The following EMCN variants were observed in gnomAD, a reference collection of about 807,000 sequenced individuals.
EMCN encodes MUC-14.
EMCN carries 37 observed loss-of-function variants against 38.4 expected under a neutral mutation model. The ratio of observed to expected loss-of-function variants is 0.96; its 90% confidence interval spans 0.74 to 1.27. The LOEUF (loss-of-function observed/expected upper bound fraction) is 1.27, where lower values mean the gene tolerates loss of function less well. Among genes scored for constraint, EMCN ranks in the 50% most tolerant of loss-of-function variants. The pLI is 0.00. For synonymous variants in EMCN, 95 were observed against 100.8 expected (o/e 0.94, Z 0.35); for missense variants, 318 against 302.8 (o/e 1.05, Z -0.37).
intron 1 of EMCN, among the ~76,000 whole-genome samples, chr4:100,490,847 A>G (rs1416519394): frequency 1.3e-5 from 2 of 152,178 alleles, no homozygotes; most frequent in Non-Finnish European, 2.9e-5. Context: ...TATTTTTTAT[A>G]GTAGCCATTC....
chr4:100,419,393 C>G (rs1726825835), intron 8 of EMCN, among the ~76,000 whole-genome samples: 1 of 152,022 alleles, frequency 6.6e-6, no homozygotes. Flanking sequence ...ACAAAGTTAA[C>G]AACAACCAAA....
intron 5 of EMCN, among the ~76,000 whole-genome samples, chr4:100,427,415 G>A (rs1474795554): frequency 2.0e-5 from 3 of 151,426 alleles, no homozygotes; most frequent in Non-Finnish European, 4.4e-5. Flanking sequence ...AGGGCCACAG[G>A]TGTGCACCAC....
intron 11 of EMCN, among the ~76,000 whole-genome samples, chr4:100,405,333 C>A (rs377473264): frequency 1.3e-5 from 2 of 151,876 alleles, no homozygotes; most frequent in East Asian, 1.9e-4. Flanking sequence ...CCCATTCAGT[C>A]TGATGTTGGT....
At chr4:100,491,280 C>T (rs1729069815) in intron 1 of EMCN, among the ~76,000 whole-genome samples, 1 of 152,142 alleles carries the variant, frequency 6.6e-6, no homozygotes, top group African/African-American at 2.4e-5. Context: ...TACTCTTACG[C>T]TAGCACTATA....
chr4:100,424,239 G>C (rs1483174453), intron 5 of EMCN, among the ~76,000 whole-genome samples: 1 of 152,058 alleles, frequency 6.6e-6, no homozygotes, highest in Non-Finnish European at 1.5e-5. Context: ...TTTGTACTTA[G>C]AAAACTTTTT....
chr4:100,427,471 A>C (rs1268450387), intron 5 of EMCN, among the ~76,000 whole-genome samples: 1 of 130,690 alleles, frequency 7.7e-6, no homozygotes. Flanking sequence ...TTTTTTTTGT[A>C]GAGATAGACC....
At chr4:100,436,080 A>T (rs1196117031) in intron 5 of EMCN, among the ~76,000 whole-genome samples, 1 of 152,206 alleles carries the variant, frequency 6.6e-6, no homozygotes, top group Non-Finnish European at 1.5e-5. Context: ...CTATCATCAG[A>T]GTGAACAGAC....
intron 4 of EMCN, among the ~76,000 whole-genome samples, chr4:100,460,072 T>C (rs1265088144): frequency 6.6e-6 from 1 of 152,222 alleles, no homozygotes; most frequent in African/African-American, 2.4e-5. Flanking sequence ...TTTCTCTATA[T>C]CTTTGACAGC....
chr4:100,467,303 A>G lies in EMCN; in HGVS notation c.260-1764T>C, dbSNP rs73833345. On this transcript the variant is annotated intron_variant, in intron 3 of 11. Transcript: ENST00000296420. ...GATGCTGCCACAGCCACAAATTTTTAAACTTTACTAATATACAGAAATGCT... is the reference window on the plus strand; with the variant it reads ...GATGCTGCCACAGCCACAAATTTTTGAACTTTACTAATATACAGAAATGCT... Among the ~76,000 whole-genome samples, 915 of 152,340 alleles carry G rather than the reference A, an allele frequency of 6.0e-3. 9 individuals carry two copies. Among genetic ancestry groups the G allele is most frequent in the African/African-American group, 0.02 (840 of 41,578 alleles).
intron 5 of EMCN, chr4:100,446,251 T>C: frequency 1.0e-6 from 1 of 971,310 alleles, no homozygotes; most frequent in Non-Finnish European, 1.2e-6. Context: ...TTTTAGCCTA[T>C]GAAGATGGAA....
chr4:100,399,935 C>A (rs934427743), intron 11 of EMCN, among the ~76,000 whole-genome samples: 1 of 152,102 alleles, frequency 6.6e-6, no homozygotes, highest in Non-Finnish European at 1.5e-5. Flanking sequence ...CTCAAGAAGT[C>A]CCAGGTGTCT....
intron 11 of EMCN, among the ~76,000 whole-genome samples, chr4:100,403,501 T>C (rs1164685134): frequency 1.4e-5 from 2 of 139,458 alleles, no homozygotes; most frequent in African/African-American, 3.0e-5. Context: ...GTTCATTCCA[T>C]GTCTCTCTTA....
At chr4:100,497,597 C>T (rs1020753733) in intron 1 of EMCN, among the ~76,000 whole-genome samples, 4 of 152,074 alleles carry the variant, frequency 2.6e-5, no homozygotes, top group African/African-American at 4.8e-5. Context: ...AGGATGGTCT[C>T]GATCTCCTGA....
chr4:100,411,420 T>C (rs998596057), intron 10 of EMCN, among the ~76,000 whole-genome samples: 1 of 152,204 alleles, frequency 6.6e-6, no homozygotes, highest in Non-Finnish European at 1.5e-5. Flanking sequence ...CTGCCAGAAG[T>C]CATGCAAAGC....
chr4:100,405,060 A>T (rs1726356576), intron 11 of EMCN, among the ~76,000 whole-genome samples: 1 of 152,084 alleles, frequency 6.6e-6, no homozygotes, highest in South Asian at 2.1e-4. Context: ...TTGTACATTG[A>T]TTTTGTATCC....
At chr4:100,461,552 T>C (rs900355417) in intron 4 of EMCN, among the ~76,000 whole-genome samples, 2 of 152,084 alleles carry the variant, frequency 1.3e-5, no homozygotes, top group Non-Finnish European at 2.9e-5. Flanking sequence ...AATAATAAAG[T>C]CAGAGCACTA....
At chr4:100,446,099 A>G (rs181121405) in intron 5 of EMCN, 21 of 985,390 alleles carry the variant, frequency 2.1e-5, no homozygotes, top group Middle Eastern at 5.2e-4. Context: ...CTGCTTCCCA[A>G]TTCTTCAACT....
At chr4:100,419,144 C>G (rs950124761) in intron 8 of EMCN, among the ~76,000 whole-genome samples, 3 of 152,082 alleles carry the variant, frequency 2.0e-5, no homozygotes, top group Admixed American at 6.6e-5. Context: ...AGCCAACAGA[C>G]TATTTTCTGC....
At chr4:100,434,693 C>A (rs1727299577) in intron 5 of EMCN, among the ~76,000 whole-genome samples, 2 of 152,158 alleles carry the variant, frequency 1.3e-5, no homozygotes, top group African/African-American at 2.4e-5. Context: ...AAGTTGGCTT[C>A]ATCACCAGGA....
Sources: allele counts gnomAD v4.1 joint callset (sites outside exome capture counted in the v4.1 genomes callset), GRCh38; gene constraint gnomAD v4.1.1; transcripts MANE v1.5; gene names NCBI Gene and HGNC (gene_info 2026-07-23, HGNC 2026-07-21).